The following RORA variants were observed in gnomAD, a reference collection of about 807,000 sequenced individuals.
RORA encodes the protein nuclear receptor ROR-alpha.
In RORA, 7 loss-of-function variants were observed where a neutral mutation model predicts 69.5. That is an observed-to-expected ratio of 0.10 (90% CI 0.06 to 0.19). The LOEUF (loss-of-function observed/expected upper bound fraction) is 0.19. Among genes scored for constraint, RORA ranks in the 10% least tolerant of loss-of-function variants. The pLI, the probability that RORA is intolerant of heterozygous loss-of-function variation, is 1.00. For synonymous variants in RORA, 261 were observed against 240.8 expected (o/e 1.08, Z -0.78); for missense variants, 457 against 663.0 (o/e 0.69, Z 3.41).
chr15:61,085,162 A>T (rs544667221), intron 1 of RORA, among the ~76,000 whole-genome samples: 2 of 152,302 alleles, frequency 1.3e-5, no homozygotes, highest in African/African-American at 2.4e-5. Flanking sequence ...GGGTAAGAAG[A>T]GAGCTCAAAG....
At position 60,892,235 on chromosome 15, in the gene RORA, G is replaced by A. The variant is rs539848020; in HGVS notation, c.167-213549C>T. 7.2e-5 allele frequency among the ~76,000 whole-genome samples: 11 copies of A among 152,300 alleles called. No homozygotes were observed. In the East Asian group the frequency reaches 2.1e-3, roughly 29 times the overall value. On this transcript the variant is annotated intron_variant, in intron 1 of 10. Coordinates refer to ENST00000335670, the MANE Select transcript of RORA (RefSeq NM_134261.3). ...GTCTTGCCCAGTGTTACAAGGCTGG[G>A]TAACAGCACACTCAGATGGGAATTC...
chr15:60,586,895 A>G (rs2068351305), intron 2 of RORA, among the ~76,000 whole-genome samples: 1 of 152,200 alleles, frequency 6.6e-6, no homozygotes, highest in African/African-American at 2.4e-5. Context: ...ATCTACTTGA[A>G]AACTTTTAGA....
intron 1 of RORA, among the ~76,000 whole-genome samples, chr15:60,845,385 C>T (rs2073252187): frequency 6.6e-6 from 1 of 152,218 alleles, no homozygotes; most frequent in African/African-American, 2.4e-5. Flanking sequence ...TCTGCTAATG[C>T]CTCGTCCCTA....
intron 1 of RORA, among the ~76,000 whole-genome samples, chr15:61,116,626 T>G (rs917364703): frequency 6.6e-6 from 1 of 152,222 alleles, no homozygotes; most frequent in Non-Finnish European, 1.5e-5. Flanking sequence ...TCAAATGATA[T>G]GCTCATTTTA....
At chr15:60,644,580 A>G (rs898827074) in intron 2 of RORA, among the ~76,000 whole-genome samples, 2 of 152,158 alleles carry the variant, frequency 1.3e-5, no homozygotes, top group Non-Finnish European at 2.9e-5. Context: ...GACATGGTAA[A>G]CTCATGTCCT....
chr15:61,138,665 T>C (rs1446892356), intron 1 of RORA, among the ~76,000 whole-genome samples: 1 of 152,010 alleles, frequency 6.6e-6, no homozygotes, highest in South Asian at 2.1e-4. Context: ...AGGGAGGGCC[T>C]TTTCCTGCAC....
chr15:60,639,460 T>C (rs1160904183), intron 2 of RORA, among the ~76,000 whole-genome samples: 1 of 152,122 alleles, frequency 6.6e-6, no homozygotes, highest in Non-Finnish European at 1.5e-5. Context: ...GTCAAGTCTC[T>C]GCTCTACAGT....
intron 1 of RORA, among the ~76,000 whole-genome samples, chr15:61,102,090 T>C (rs1433793158): frequency 2.0e-5 from 3 of 152,068 alleles, no homozygotes; most frequent in Non-Finnish European, 4.4e-5. Context: ...AAGCTACACA[T>C]ACATTTCTCC....
intron 1 of RORA, among the ~76,000 whole-genome samples, chr15:61,221,716 T>A (rs937653089): frequency 2.0e-5 from 3 of 152,202 alleles, no homozygotes; most frequent in African/African-American, 7.2e-5. Context: ...CGAAGTAAGC[T>A]AGGTATTTTT....
At chr15:60,702,334 C>G (rs561984553) in intron 1 of RORA, among the ~76,000 whole-genome samples, 2 of 152,076 alleles carry the variant, frequency 1.3e-5, no homozygotes, top group Non-Finnish European at 2.9e-5. Flanking sequence ...TGGGTTGATG[C>G]GATTCTCCTG....
intron 1 of RORA, among the ~76,000 whole-genome samples, chr15:61,195,137 A>G (rs1314966074): frequency 6.6e-6 from 1 of 152,134 alleles, no homozygotes; most frequent in Non-Finnish European, 1.5e-5. Flanking sequence ...GGTCTTTTTA[A>G]AAAATGCATT....
At chr15:60,901,001 C>T (rs1376720521) in intron 1 of RORA, among the ~76,000 whole-genome samples, 2 of 152,062 alleles carry the variant, frequency 1.3e-5, no homozygotes, top group East Asian at 3.9e-4. Flanking sequence ...TATTCCTTTC[C>T]ACCTCTCCTT....
intron 1 of RORA, among the ~76,000 whole-genome samples, chr15:60,977,632 C>T (rs1275931730): frequency 6.6e-6 from 1 of 152,102 alleles, no homozygotes; most frequent in Non-Finnish European, 1.5e-5. Flanking sequence ...CTCCTTCATC[C>T]CCTGGCAACC....
At chr15:60,907,311 T>C (rs959513099) in intron 1 of RORA, among the ~76,000 whole-genome samples, 6 of 152,148 alleles carry the variant, frequency 3.9e-5, no homozygotes, top group Non-Finnish European at 1.5e-5. Flanking sequence ...GATGTCTCTC[T>C]AAATGTCTCT....
At chr15:60,622,753 T>C (rs2069452099) in intron 2 of RORA, among the ~76,000 whole-genome samples, 2 of 152,216 alleles carry the variant, frequency 1.3e-5, no homozygotes, top group African/African-American at 4.8e-5. Context: ...TCTCGCTGTG[T>C]CACCCAGGCT....
At chr15:60,932,020 T>C (rs962423215) in intron 1 of RORA, among the ~76,000 whole-genome samples, 3 of 148,860 alleles carry the variant, frequency 2.0e-5, no homozygotes, top group East Asian at 3.9e-4. Context: ...TCTAGAAAAA[T>C]ATTGAATCAA....
intron 1 of RORA, among the ~76,000 whole-genome samples, chr15:60,994,396 C>T (rs552797406): frequency 1.3e-5 from 2 of 152,296 alleles, no homozygotes; most frequent in East Asian, 1.9e-4. Flanking sequence ...CTGAATGTAA[C>T]GTAACCAATT....
intron 1 of RORA, among the ~76,000 whole-genome samples, chr15:60,862,856 T>G (rs969454945): frequency 6.6e-6 from 1 of 152,242 alleles, no homozygotes; most frequent in African/African-American, 2.4e-5. Context: ...GTGTAATAGC[T>G]GGGACAGAGA....
chr15:60,614,991 C>A (rs200255532), intron 2 of RORA: 17 of 1,613,850 alleles, frequency 1.1e-5, no homozygotes, highest in Middle Eastern at 1.6e-4. Flanking sequence ...CAAGTTGAGA[C>A]CAGAACAGCC....
Sources: gnomAD v4.1 joint callset for allele counts (sites outside exome capture counted in the v4.1 genomes callset) on GRCh38, gnomAD v4.1.1 for gene constraint, MANE v1.5 for transcripts, NCBI Gene and HGNC (gene_info 2026-07-23, HGNC 2026-07-21) for gene names.